PDE1C: variants seen among roughly 807,000 people sequenced by gnomAD.
PDE1C encodes the protein phosphodiesterase 1C.
Under a neutral mutation model 93.1 loss-of-function variants are expected in PDE1C, and 62 were observed. The observed-to-expected ratio is 0.67, with a 90% CI of 0.54 to 0.82. The LOEUF (loss-of-function observed/expected upper bound fraction) is 0.82, where lower values mean the gene tolerates loss of function less well. PDE1C is among the 40% of genes least tolerant of loss of function. PDE1C has a pLI of 0.00. For missense variants in PDE1C, 742 were observed against 884.6 expected (o/e 0.84, Z 2.04); for synonymous variants, 325 against 310.1 (o/e 1.05, Z -0.50).
intron 2 of PDE1C, among the ~76,000 whole-genome samples, chr7:32,018,164 G>C (rs1195145134): frequency 2.0e-5 from 3 of 151,536 alleles, no homozygotes; most frequent in Non-Finnish European, 4.4e-5. Flanking sequence ...ATAATAACAA[G>C]CGTTGGTGAT....
At chr7:32,261,694 T>C (rs369052794) in intron 1 of PDE1C, among the ~76,000 whole-genome samples, 9 of 152,320 alleles carry the variant, frequency 5.9e-5, no homozygotes, top group Admixed American at 3.3e-4. Context: ...TCAACTTTGA[T>C]TTTTACATTG....
intron 3 of PDE1C, among the ~76,000 whole-genome samples, chr7:32,076,519 T>C (rs1290467499): frequency 6.6e-6 from 1 of 151,756 alleles, no homozygotes; most frequent in Non-Finnish European, 1.5e-5. Context: ...GGCACACGCC[T>C]GTAATCCCAG....
At chr7:31,964,694 G>A (rs1204305757) in intron 2 of PDE1C, among the ~76,000 whole-genome samples, 1 of 152,190 alleles carries the variant, frequency 6.6e-6, no homozygotes, top group East Asian at 1.9e-4. Flanking sequence ...AGCCTAACTG[G>A]GAGGCAACCC....
intron 1 of PDE1C, among the ~76,000 whole-genome samples, chr7:32,354,875 T>C (rs1784001424): frequency 6.6e-6 from 1 of 152,234 alleles, no homozygotes; most frequent in Admixed American, 6.5e-5. Context: ...CTCTAAGGCC[T>C]AAGGGCCCTG....
At chr7:31,647,049 T>C in the PDE1C span, among the ~76,000 whole-genome samples, 2 of 152,212 alleles carry the variant, frequency 1.3e-5, no homozygotes, top group African/African-American at 2.4e-5. Flanking sequence ...TACGTGTGCA[T>C]ATTTATACTC....
intron 2 of PDE1C, among the ~76,000 whole-genome samples, chr7:32,037,467 AGCG>A (rs1484902584): frequency 6.6e-6 from 1 of 152,144 alleles, no homozygotes; most frequent in Non-Finnish European, 1.5e-5. Context: ...AGATAACAAA[AGCG>A]GTGATAAAAA....
intron 1 of PDE1C, among the ~76,000 whole-genome samples, chr7:32,244,155 G>A (rs1201009595): frequency 1.3e-5 from 2 of 152,214 alleles, no homozygotes; most frequent in Non-Finnish European, 2.9e-5. Context: ...ATGAACCAAT[G>A]CTGTGTTTTC....
intron 2 of PDE1C, among the ~76,000 whole-genome samples, chr7:32,209,232 C>T (rs1805834034): frequency 6.6e-6 from 1 of 152,182 alleles, no homozygotes; most frequent in Non-Finnish European, 1.5e-5. Flanking sequence ...GTCGATTCTG[C>T]TGCTCTGAGG....
At chr7:31,767,537 T>C (rs761812566) in intron 17 of PDE1C, among the ~76,000 whole-genome samples, 1 of 152,242 alleles carries the variant, frequency 6.6e-6, no homozygotes, top group Non-Finnish European at 1.5e-5. Flanking sequence ...CTATGCTTCC[T>C]GTACAGCCTG....
the PDE1C span, among the ~76,000 whole-genome samples, chr7:31,717,641 A>C: frequency 1.3e-5 from 2 of 152,164 alleles, no homozygotes; most frequent in Non-Finnish European, 2.9e-5. Flanking sequence ...AAAATAAATA[A>C]ATATTAGTAA....
chr7:32,387,765 C>G (rs1784666056), intron 1 of PDE1C, among the ~76,000 whole-genome samples: 1 of 137,994 alleles, frequency 7.2e-6, no homozygotes, highest in East Asian at 2.1e-4. Flanking sequence ...CGGGCAGAGG[C>G]GCCCCTCACC....
chr7:31,724,136 G>A, the PDE1C span, among the ~76,000 whole-genome samples: 17 of 152,220 alleles, frequency 1.1e-4, no homozygotes, highest in African/African-American at 4.1e-4. Flanking sequence ...TGTTATCCTG[G>A]CAACCATCCT....
the PDE1C span, among the ~76,000 whole-genome samples, chr7:31,732,331 A>G: frequency 2.0e-5 from 3 of 152,062 alleles, no homozygotes; most frequent in African/African-American, 7.2e-5. Context: ...GTTAGAATAC[A>G]GTGCCCAGTT....
chr7:32,341,845 C>T (rs534893678), intron 1 of PDE1C, among the ~76,000 whole-genome samples: 1 of 152,288 alleles, frequency 6.6e-6, no homozygotes, highest in South Asian at 2.1e-4. Flanking sequence ...AACCAAACTT[C>T]CTAGTTTGAA....
In PDE1C at chr7:32,057,496, A is replaced by G. The variant is rs537328581; in HGVS notation, c.102-5916T>C. Among the ~76,000 whole-genome samples, 3 of 152,328 alleles carry G rather than the reference A, an allele frequency of 2.0e-5. No individual in the cohort carries two copies. The East Asian group carries it at 5.8e-4, about 29-fold the overall frequency. On this transcript the variant is annotated intron_variant, in intron 1 of 17. Transcript: ENST00000396191. ...CAGCTGGTCACATCCTGACAGGCAG[A>G]TTCTGAAATAGGAGCATCATCAAAG...
chr7:31,733,128 G>T, the PDE1C span, among the ~76,000 whole-genome samples: 1 of 152,276 alleles, frequency 6.6e-6, no homozygotes, highest in African/African-American at 2.4e-5. Context: ...TGAGCTAAAT[G>T]GACTTATGGT....
At chr7:31,842,236 C>T (rs1268886269) in intron 9 of PDE1C, among the ~76,000 whole-genome samples, 1 of 152,072 alleles carries the variant, frequency 6.6e-6, no homozygotes, top group East Asian at 1.9e-4. Flanking sequence ...TAGCTATGTT[C>T]ATAAAATACA....
chr7:32,326,057 A>G lies in PDE1C; in HGVS notation c.310+101765T>C, dbSNP rs533742128. Among the ~76,000 whole-genome samples the G allele has an allele frequency of 2.1e-4, 27 of 128,318 alleles. No homozygotes were observed. The South Asian group carries it at 2.4e-3, about 12-fold the overall frequency. The allele number at this position is 128,318 out of a possible 152,430, so 84.2% of individuals were successfully genotyped here. A position where few individuals can be genotyped will look rare whatever the true frequency, so the allele number is the denominator to read the frequency against. On this transcript the variant is annotated intron_variant, in intron 1 of 1. Transcript: ENST00000672256. ...TGACAGTTCAAACACGGTTGTGAGG[A>G]AAAAAAAAAGGAATCAAGGATGACT... is the stretch of plus-strand genomic sequence containing the variant.
chr7:31,901,170 A>G (rs1172365707), intron 2 of PDE1C, among the ~76,000 whole-genome samples: 2 of 151,270 alleles, frequency 1.3e-5, no homozygotes, highest in Non-Finnish European at 3.0e-5. Flanking sequence ...ATTATAGTCA[A>G]TGAAATAAGA....
Sources: allele counts gnomAD v4.1 joint callset (sites outside exome capture counted in the v4.1 genomes callset), GRCh38; gene constraint gnomAD v4.1.1; transcripts MANE v1.5; gene names NCBI Gene and HGNC (gene_info 2026-07-23, HGNC 2026-07-21).